The following DOK6 variants were observed in gnomAD, a reference collection of about 807,000 sequenced individuals.
The protein encoded by DOK6 is downstream of tyrosine kinase 6.
A neutral mutation model predicts 44.0 loss-of-function variants in DOK6; 22 were observed. That is an observed-to-expected ratio of 0.50 (90% CI 0.36 to 0.71). The LOEUF is 0.71. Ranked by LOEUF, DOK6 falls within the 30% of genes least tolerant of loss-of-function variation. The probability of loss-of-function intolerance (pLI) is 0.00; values close to 1 mark genes in which losing one functional copy is unlikely to be tolerated. For missense variants in DOK6, 340 were observed against 416.4 expected, an observed-to-expected ratio of 0.82 and a Z score of 1.60; for synonymous variants, 166 against 145.5, an observed-to-expected ratio of 1.14 and a Z score of -1.01.
chr18:69,700,442 T>C lies in DOK6; in HGVS notation c.599+1849T>C, dbSNP rs190470486. On this transcript the variant is annotated intron_variant, in intron 5 of 7. Transcript: ENST00000382713. ...CAAAATTTTAAATAACAAGTCATTT[T>C]CTTTCATGAAGAATGGTTATTCAGA... 5.4e-3 allele frequency among the ~76,000 whole-genome samples: 824 copies of C among 152,196 alleles called. 8 individuals are homozygous for C. Among genetic ancestry groups the C allele is most frequent in the Non-Finnish European group, 5.1e-3 (347 of 68,014 alleles).
At chr18:69,836,492 T>G (rs1982058407) in intron 7 of DOK6, among the ~76,000 whole-genome samples, 2 of 152,150 alleles carry the variant, frequency 1.3e-5, no homozygotes, top group South Asian at 2.1e-4. Flanking sequence ...TGATATGTTT[T>G]TTTTTTCCCC....
intron 1 of DOK6, among the ~76,000 whole-genome samples, chr18:69,493,066 G>T (rs1213988567): frequency 2.0e-5 from 3 of 152,016 alleles, no homozygotes; most frequent in Admixed American, 1.3e-4. Flanking sequence ...ACATCATGAT[G>T]ATGTCATTGT....
intron 6 of DOK6, among the ~76,000 whole-genome samples, chr18:69,742,248 C>G (rs1440644815): frequency 4.6e-5 from 7 of 151,734 alleles, no homozygotes; most frequent in Non-Finnish European, 7.4e-5. Context: ...AACCCTGTCT[C>G]TACTAAAAAT....
intron 3 of DOK6, among the ~76,000 whole-genome samples, chr18:69,644,737 A>G (rs1299908620): frequency 6.6e-6 from 1 of 152,162 alleles, no homozygotes; most frequent in African/African-American, 2.4e-5. Context: ...GCTATTCAAG[A>G]CCTGCTGATA....
intron 7 of DOK6, among the ~76,000 whole-genome samples, chr18:69,766,998 A>G (rs1436480962): frequency 6.6e-6 from 1 of 152,156 alleles, no homozygotes; most frequent in East Asian, 1.9e-4. Flanking sequence ...AGGCTGAGGC[A>G]GGCAGATCAC....
intron 3 of DOK6, among the ~76,000 whole-genome samples, chr18:69,674,561 ACACT>A (rs1420220178): frequency 6.6e-6 from 1 of 151,434 alleles, no homozygotes; most frequent in Non-Finnish European, 1.5e-5. Flanking sequence ...CTACAAATGC[ACACT>A]CACACACACT....
intron 3 of DOK6, among the ~76,000 whole-genome samples, chr18:69,641,010 G>C (rs763706841): frequency 6.6e-6 from 1 of 151,932 alleles, no homozygotes; most frequent in Admixed American, 6.6e-5. Context: ...TCAGGAGATC[G>C]ATCGAGACCA....
chr18:69,828,884 G>GTGTATATA (rs1555673465), intron 7 of DOK6, among the ~76,000 whole-genome samples: 7 of 90,214 alleles, frequency 7.8e-5, no homozygotes, highest in East Asian at 4.1e-4. Context: ...ACATTTATGT[G>GTGTATATA]TATATATATA....
At chr18:69,718,689 A>G (rs140693474) in intron 5 of DOK6, among the ~76,000 whole-genome samples, 101 of 152,334 alleles carry the variant, frequency 6.6e-4, no homozygotes, top group African/African-American at 2.3e-3. Context: ...AACTTGCTTC[A>G]TGTTTCATAC....
intron 3 of DOK6, among the ~76,000 whole-genome samples, chr18:69,654,164 A>G (rs1048427706): frequency 1.3e-5 from 2 of 152,222 alleles, no homozygotes; most frequent in Admixed American, 6.5e-5. Flanking sequence ...CAGACTAAAC[A>G]CAGAAGAAAA....
At chr18:69,617,855 A>G (rs1736843132) in intron 3 of DOK6, among the ~76,000 whole-genome samples, 1 of 152,182 alleles carries the variant, frequency 6.6e-6, no homozygotes, top group Non-Finnish European at 1.5e-5. Flanking sequence ...CACAAAACGC[A>G]TGTTCAGGTC....
chr18:69,565,772 C>T (rs189358056), intron 2 of DOK6, among the ~76,000 whole-genome samples: 268 of 151,992 alleles, frequency 1.8e-3, no homozygotes, highest in Non-Finnish European at 2.8e-3. Flanking sequence ...CATGAGTAGA[C>T]GAATTTTAAA....
chr18:69,573,265 A>G (rs572710595), intron 2 of DOK6, among the ~76,000 whole-genome samples: 1 of 151,980 alleles, frequency 6.6e-6, no homozygotes. Context: ...ATGTGTGAAA[A>G]TGAAGCGGCA....
chr18:69,798,016 C>T (rs2145103312), intron 7 of DOK6, among the ~76,000 whole-genome samples: 1 of 152,178 alleles, frequency 6.6e-6, no homozygotes, highest in South Asian at 2.1e-4. Context: ...TACTAATTTT[C>T]AGGAATATAG....
At chr18:69,575,021 C>A (rs987716899) in intron 2 of DOK6, among the ~76,000 whole-genome samples, 1 of 151,974 alleles carries the variant, frequency 6.6e-6, no homozygotes, top group African/African-American at 2.4e-5. Flanking sequence ...CAGTGTACAC[C>A]CTTCAGGCCA....
intron 1 of DOK6, among the ~76,000 whole-genome samples, chr18:69,408,791 G>C (rs941945249): frequency 1.8e-4 from 28 of 152,036 alleles, no homozygotes; most frequent in African/African-American, 6.8e-4. Context: ...TCAAGAGACT[G>C]GATTATTTTG....
At chr18:69,587,770 A>AACACACACACAC (rs138552349) in intron 2 of DOK6, among the ~76,000 whole-genome samples, 5,796 of 149,068 alleles carry the variant, frequency 0.039, 268 homozygotes, top group African/African-American at 0.1. Context: ...TGTAAATTTA[A>AACACACACACAC]ACACACACAC....
At chr18:69,827,066 C>T (rs1981761592) in intron 7 of DOK6, among the ~76,000 whole-genome samples, 1 of 152,130 alleles carries the variant, frequency 6.6e-6, no homozygotes, top group African/African-American at 2.4e-5. Flanking sequence ...TGTTACTCAT[C>T]AGATATAGTA....
chr18:69,826,116 C>T (rs1481364671), intron 7 of DOK6, among the ~76,000 whole-genome samples: 1 of 152,140 alleles, frequency 6.6e-6, no homozygotes, highest in Non-Finnish European at 1.5e-5. Context: ...GTAGGCCTAT[C>T]AGGTCTATTA....
Sources: allele counts gnomAD v4.1 joint callset (sites outside exome capture counted in the v4.1 genomes callset), GRCh38; gene constraint gnomAD v4.1.1; transcripts MANE v1.5; gene names NCBI Gene and HGNC (gene_info 2026-07-23, HGNC 2026-07-21).